The following PRDM11 variants were observed in gnomAD, a reference collection of about 807,000 sequenced individuals.
PRDM11 encodes the protein PR/SET domain 11, also known as PR domain-containing protein 11.
In PRDM11, 20 loss-of-function variants were observed where a neutral mutation model predicts 97.8. The observed-to-expected ratio is 0.20, with a 90% CI of 0.14 to 0.30. The LOEUF is 0.30. Among genes scored for constraint, PRDM11 ranks in the 10% least tolerant of loss-of-function variants. PRDM11 has a pLI of 1.00. For synonymous variants in PRDM11, 599 were observed against 637.7 expected (o/e 0.94, Z 0.91); for missense variants, 1,139 against 1,555.2 (o/e 0.73, Z 4.50).
chr11:45,209,229 A>T (rs1165157263), intron 5 of PRDM11: 3 of 418,436 alleles, frequency 7.2e-6, no homozygotes, highest in East Asian at 7.2e-5. Flanking sequence ...GGCGCTGCTC[A>T]CGGCCCGTGC....
At chr11:45,191,128 G>T (rs532842223) in intron 4 of PRDM11, among the ~76,000 whole-genome samples, 17 of 151,950 alleles carry the variant, frequency 1.1e-4, no homozygotes, top group Middle Eastern at 3.4e-3. Context: ...CCCCTGTATT[G>T]TTTTTTTTCT....
intron 1 of PRDM11, among the ~76,000 whole-genome samples, chr11:45,106,189 C>T (rs1433722177): frequency 6.6e-6 from 1 of 152,168 alleles, no homozygotes; most frequent in Admixed American, 6.5e-5. Flanking sequence ...GCCTCAAGCC[C>T]AGGCTGGCCA....
intron 1 of PRDM11, among the ~76,000 whole-genome samples, chr11:45,166,603 G>A (rs929587751): frequency 1.3e-5 from 2 of 152,242 alleles, no homozygotes; most frequent in African/African-American, 4.8e-5. Flanking sequence ...CCCTGAGGGT[G>A]GCGACCTTGT....
chr11:45,129,592 T>A (rs1398971209), intron 1 of PRDM11, among the ~76,000 whole-genome samples: 3 of 152,072 alleles, frequency 2.0e-5, no homozygotes, highest in African/African-American at 7.2e-5. Flanking sequence ...TTGCAAGATA[T>A]CCACCCTATA....
chr11:45,230,380 G>A lies in PRDM11; in HGVS notation c.*2221G>A, dbSNP rs1289990341. 1 of 152,114 alleles carries A rather than the reference G, an allele frequency of 6.6e-6. No homozygotes were observed. Among genetic ancestry groups the A allele is most frequent in the African/African-American group, 2.4e-5 (1 of 41,400 alleles). The allele number at this position is 152,114 out of a possible 1,614,324, so 9.4% of individuals were successfully genotyped here. The stretch of plus-strand genomic sequence containing the variant: ...AGTTAGCAGGAACTAGCAAGGAAAG[G>A]CTGAAAGCCTCCTTCTGAGGCTTTG... On this transcript the variant is annotated 3_prime_UTR_variant, in exon 8 of 8. Transcript: ENST00000683152.
intron 6 of PRDM11, among the ~76,000 whole-genome samples, chr11:45,222,780 AG>A: frequency 6.6e-6 from 1 of 152,312 alleles, no homozygotes; most frequent in East Asian, 1.9e-4. Context: ...GCCTTCAATC[AG>A]AAGTCTTTTG....
chr11:45,099,375 C>T (rs563970200), intron 1 of PRDM11, among the ~76,000 whole-genome samples: 3 of 148,438 alleles, frequency 2.0e-5, no homozygotes, highest in South Asian at 4.3e-4. Context: ...TGCTTGAACT[C>T]GGGAGGCGGA....
rs964892611 is a variant in PRDM11 at position 45,229,519 on chromosome 11, C to T, written c.*1360C>T. The T allele has an allele frequency of 6.7e-6, 1 of 149,208 alleles. No individual in the cohort carries two copies. Among genetic ancestry groups the T allele is most frequent in the Non-Finnish European group, 1.5e-5 (1 of 66,932 alleles). The allele number at this position is 149,208 out of a possible 1,614,324, so 9.2% of individuals were successfully genotyped here. On this transcript the variant is annotated 3_prime_UTR_variant, in exon 8 of 8. Coordinates refer to ENST00000683152, the MANE Select transcript of PRDM11 (RefSeq NM_001384648.1). ...ACACACAGACACACACACACACACA[C>T]AATCACAATATACAATATAAGCTTT...
intron 1 of PRDM11, among the ~76,000 whole-genome samples, chr11:45,147,817 T>C (rs1328060402): frequency 6.6e-6 from 1 of 152,222 alleles, no homozygotes. Context: ...CCTAGACGTT[T>C]GCTTCGTGTG....
intron 1 of PRDM11, among the ~76,000 whole-genome samples, chr11:45,165,913 C>T (rs1314897652): frequency 6.6e-6 from 1 of 152,208 alleles, no homozygotes; most frequent in Non-Finnish European, 1.5e-5. Flanking sequence ...CGCCATGCTA[C>T]ACTGCCACCT....
In PRDM11 at chr11:45,224,070, G is replaced by A. The variant is rs374634642; in HGVS notation, c.743-147G>A. The A allele has an allele frequency of 2.1e-5, 19 of 905,744 alleles. 1 individual carries two copies. Among genetic ancestry groups the A allele is most frequent in the South Asian group, 8.6e-5 (5 of 57,962 alleles). The allele number at this position is 905,744 out of a possible 1,614,324, so 56.1% of individuals were successfully genotyped here. A position where few individuals can be genotyped will look rare whatever the true frequency, so the allele number is the denominator to read the frequency against. On this transcript the variant is annotated intron_variant, in intron 6 of 7. Coordinates refer to ENST00000683152, the MANE Select transcript of PRDM11 (RefSeq NM_001384648.1). Reference sequence around the variant, plus strand: ...GCTCTGATGGACCACTGAGTGATTCGTATCTCCCCTTTGCAACACTTGCCC... The same window carrying A: ...GCTCTGATGGACCACTGAGTGATTCATATCTCCCCTTTGCAACACTTGCCC...
At chr11:45,171,699 A>T (rs1185587958) in intron 1 of PRDM11, among the ~76,000 whole-genome samples, 1 of 152,204 alleles carries the variant, frequency 6.6e-6, no homozygotes, top group African/African-American at 2.4e-5. Flanking sequence ...GCAGTGTCCC[A>T]GTGAGGATGG....
intron 1 of PRDM11, among the ~76,000 whole-genome samples, chr11:45,161,706 A>T (rs1421530525): frequency 6.6e-6 from 1 of 152,214 alleles, no homozygotes; most frequent in Non-Finnish European, 1.5e-5. Flanking sequence ...CCGGGGGCAA[A>T]TTGGTGCAGC....
intron 4 of PRDM11, among the ~76,000 whole-genome samples, chr11:45,198,706 G>T (rs536679261): frequency 1.6e-4 from 24 of 152,326 alleles, no homozygotes; most frequent in African/African-American, 5.5e-4. Context: ...TAGCAGATTT[G>T]CTCAGAGGCA....
intron 1 of PRDM11, among the ~76,000 whole-genome samples, chr11:45,114,763 T>A (rs1436482009): frequency 6.6e-6 from 1 of 152,042 alleles, no homozygotes; most frequent in Non-Finnish European, 1.5e-5. Context: ...GAATGAGTTA[T>A]CATCAGAGAC....
chr11:45,105,683 C>T (rs892105062), intron 1 of PRDM11, among the ~76,000 whole-genome samples: 2 of 152,234 alleles, frequency 1.3e-5, no homozygotes, highest in Non-Finnish European at 2.9e-5. Flanking sequence ...GGCCCTGGCC[C>T]GCCACCTGGT....
upstream of PRDM11, among the ~76,000 whole-genome samples, chr11:45,143,449 A>AT (rs1259505820): frequency 6.6e-6 from 1 of 152,130 alleles, no homozygotes; most frequent in African/African-American, 2.4e-5. Flanking sequence ...TTGTTAGTAC[A>AT]TTTTTTGCAA....
At chr11:45,145,680 T>C (rs548109668), upstream of PRDM11, among the ~76,000 whole-genome samples, 79 of 152,274 alleles carry the variant, frequency 5.2e-4, no homozygotes, top group Non-Finnish European at 8.7e-4. Context: ...GACGTCGCCA[T>C]TGGGCCACAG....
intron 1 of PRDM11, among the ~76,000 whole-genome samples, chr11:45,177,009 C>T (rs1852342188): frequency 1.3e-5 from 2 of 152,232 alleles, no homozygotes; most frequent in African/African-American, 4.8e-5. Flanking sequence ...CTTGGGCCAG[C>T]ACCCTAACCT....
Sources: gnomAD v4.1 joint callset for allele counts (sites outside exome capture counted in the v4.1 genomes callset) on GRCh38, gnomAD v4.1.1 for gene constraint, MANE v1.5 for transcripts, NCBI Gene and HGNC (gene_info 2026-07-23, HGNC 2026-07-21) for gene names.